The following TMC6 variants were observed in gnomAD, a reference collection of about 807,000 sequenced individuals.
TMC6 encodes the protein transmembrane channel like 6, also known as transmembrane channel-like protein 6.
TMC6 carries 71 observed loss-of-function variants against 95.4 expected under a neutral mutation model. That is an observed-to-expected ratio of 0.74 (90% confidence interval 0.61 to 0.91). The LOEUF (loss-of-function observed/expected upper bound fraction) is 0.91, where lower values mean the gene tolerates loss of function less well. TMC6 is among the 40% of genes least tolerant of loss of function. The pLI, the probability that TMC6 is intolerant of heterozygous loss-of-function variation, is 0.00. For missense variants in TMC6, 1,074 were observed against 1,079.1 expected, an observed-to-expected ratio of 1.00 and a Z score of 0.07; for synonymous variants, 514 against 483.1, an observed-to-expected ratio of 1.06 and a Z score of -0.84.
Position 78,109,490 on chromosome 17 carries a change from C to G in TMC6, c.*3658G>C, listed in dbSNP as rs1226320880. ...CAGCACAAGTGTAGTATGCCTGGGCCCCAGGTCATCATGAAAACCAGAAGC... is the reference window on the plus strand; with the variant it reads ...CAGCACAAGTGTAGTATGCCTGGGCGCCAGGTCATCATGAAAACCAGAAGC... On this transcript the variant is annotated 3_prime_UTR_variant, in exon 20 of 20. Transcript: ENST00000590602. The G allele has an allele frequency of 2.2e-6, 1 of 456,630 alleles. No individual in the cohort carries two copies. Among genetic ancestry groups the G allele is most frequent in the South Asian group, 1.5e-5 (1 of 64,556 alleles). The allele number at this position is 456,630 out of a possible 1,614,324, so 28.3% of individuals were successfully genotyped here. A position where few individuals can be genotyped will look rare whatever the true frequency, so the allele number is the denominator to read the frequency against.
intron 18 of TMC6, among the ~76,000 whole-genome samples, chr17:78,115,276 C>T (rs372222172): frequency 5.3e-4 from 80 of 152,350 alleles, no homozygotes; most frequent in African/African-American, 1.3e-3. Flanking sequence ...GGCTGCACCC[C>T]GCCCTGCCCT....
intron 19 of TMC6, 47 bp downstream of exon 19, chr17:78,113,501 C>T: frequency 6.2e-7 from 1 of 1,606,628 alleles, no homozygotes; most frequent in Non-Finnish European, 8.5e-7. Context: ...CCTGGCCCCT[C>T]TCCCCTCCAG....
Position 78,113,153 on chromosome 17 carries a change from C to G in TMC6, c.2413G>C (p.Ala805Pro), listed in dbSNP as rs1336536762. 4.5e-6 allele frequency: 7 copies of G among 1,554,888 alleles called. No homozygotes were observed. The highest frequency in any genetic ancestry group is 5.2e-6 in the Non-Finnish European group (6 of 1,148,732). The change falls in exon 20 of 20, where the codon GCC becomes CCC. Residue 805 changes from alanine (A) to proline (P), a missense_variant. Transcript: ENST00000590602. Reference protein sequence around the residue: ...PPALLTDEQDA With the variant: ...PPALLTDEQDP ...TGAGGCCCATCGCCGTCCCCCTAGG[C>G]ATCCTGTTCATCTGTGAGCAGGGCA... is the stretch of plus-strand genomic sequence containing the variant.
intron 8 of TMC6, 153 bp downstream of exon 8, chr17:78,124,371 A>G: frequency 7.2e-7 from 1 of 1,379,904 alleles, no homozygotes; most frequent in Non-Finnish European, 9.9e-7. Flanking sequence ...ATCCAGGGTC[A>G]TTGAGGGGGA....
chr17:78,117,838 A>C lies in TMC6; in HGVS notation c.1985T>G (p.Leu662Arg). 1 of 1,608,092 alleles carries C rather than the reference A, an allele frequency of 6.2e-7. No homozygotes were observed. The highest frequency in any genetic ancestry group is 8.5e-7 in the Non-Finnish European group (1 of 1,177,500). The change falls in exon 16 of 20, where the codon CTG becomes CGG. Residue 662 changes from leucine (L) to arginine (R), a missense_variant. Leu to Arg is a moderately radical substitution (Grantham distance 102). Transcript: ENST00000590602. ...GTAGCAGAGGAAGACAGCGGCGCCC[A>C]GGAAGGCGGGGAAGCAGAGCAGCGT... ...FLTLLCFPAF[L>R]GAAVFLCYAV...
chr17:78,123,414 G>A lies in TMC6; in HGVS notation c.1082+575C>T, dbSNP rs561591927. ...GGATGAACGGATGGGTGGATGAATG[G>A]GTGGATAGATAAGGAGGTGGATGGA... On this transcript the variant is annotated intron_variant, in intron 9 of 19. Transcript: ENST00000590602. Among the ~76,000 whole-genome samples the A allele has an allele frequency of 7.6e-4, 116 of 152,084 alleles. 1 individual carries two copies. The highest frequency in any genetic ancestry group is 1.3e-3 in the Non-Finnish European group (90 of 67,946).
At chr17:78,131,733 A>C (rs2074977013), upstream of TMC6, 1 of 1,583,022 alleles carries the variant, frequency 6.3e-7, no homozygotes, top group South Asian at 1.2e-5. Flanking sequence ...CAAGCGCCTC[A>C]TCTGGTGGGT....
In TMC6 at chr17:78,124,606, A is replaced by G; in HGVS notation, c.809T>C (p.Ile270Thr). The G allele has an allele frequency of 2.5e-6, 4 of 1,612,424 alleles. No homozygotes were observed. The highest frequency in any genetic ancestry group is 3.4e-6 in the Non-Finnish European group (4 of 1,179,818). The stretch of plus-strand genomic sequence containing the variant: ...TGGGAAGGCGACCTGAGGGCCCATG[A>G]TGAAGGCCACCAGCAGCAGCAGCAG... ...ALLLLLLVAFIMGPQVAFPPA... is the reference protein window; with the variant it reads ...ALLLLLLVAFTMGPQVAFPPA... Residue 270 changes from isoleucine to threonine, a missense_variant, in exon 8 of 20, where the codon ATC becomes ACC. Transcript: ENST00000590602.
At position 78,108,719 on chromosome 17, in the gene TMC6, T is replaced by C. The variant is rs377689264; in HGVS notation, c.*4429A>G. On this transcript the variant is annotated 3_prime_UTR_variant, in exon 20 of 20. Coordinates refer to ENST00000590602, the MANE Select transcript of TMC6 (RefSeq NM_001127198.5). ...GGGCCTGGGTGTCCAGGGCACCATTTCCACCCATGGGTGAAAAAGAGGCTT... is the reference window on the plus strand; with the variant it reads ...GGGCCTGGGTGTCCAGGGCACCATTCCCACCCATGGGTGAAAAAGAGGCTT... 3.9e-5 allele frequency: 6 copies of C among 154,328 alleles called. No homozygotes were observed. The highest frequency in any genetic ancestry group is 1.4e-4 in the African/African-American group (6 of 41,582). The allele number at this position is 154,328 out of a possible 1,614,324, so 9.6% of individuals were successfully genotyped here. A position where few individuals can be genotyped will look rare whatever the true frequency, so the allele number is the denominator to read the frequency against.
At chr17:78,124,229 C>T (rs543403239) in intron 8 of TMC6, 50 bp from the exon 9 acceptor site, 18 of 1,603,734 alleles carry the variant, frequency 1.1e-5, no homozygotes, top group African/African-American at 1.3e-5. Context: ...ACGCCCCACC[C>T]GACCCTCAGG....
upstream of TMC6, chr17:78,132,134 C>G (rs1333309202): frequency 6.6e-7 from 1 of 1,511,370 alleles, no homozygotes; most frequent in African/African-American, 1.4e-5. Context: ...CACCCGGGTC[C>G]CCCGACCAAT....
In TMC6 at chr17:78,124,639, T is replaced by C. The variant is rs753391575; in HGVS notation, c.776A>G (p.Asn259Ser). 1 of 1,612,134 alleles carries C rather than the reference T, an allele frequency of 6.2e-7. No individual in the cohort carries two copies. Among genetic ancestry groups the C allele is most frequent in the South Asian group, 1.1e-5 (1 of 90,990 alleles). ...FLFLKTLLAF[N>S]ALLLLLLVAF... ...CACCAGCAGCAGCAGCAGGAGGGCA[T>C]TGAAAGCCAGCAGGGTCTTGAGAAA... The change falls in exon 8 of 20, where the codon AAT (asparagine) becomes AGT (serine). Residue 259 changes from asparagine (N) to serine (S), a missense_variant. Physicochemically the swap from Asn to Ser is conservative, Grantham distance 46 (BLOSUM62 1). Transcript: ENST00000590602.
intron 18 of TMC6, among the ~76,000 whole-genome samples, chr17:78,116,276 CTTTTT>C (rs34774395): frequency 8.0e-6 from 1 of 125,456 alleles, no homozygotes. Context: ...CATGCCCAGG[CTTTTT>C]TTTTTTTTTT....
At chr17:78,116,564 C>T (rs973535121) in intron 18 of TMC6, among the ~76,000 whole-genome samples, 2 of 152,110 alleles carry the variant, frequency 1.3e-5, no homozygotes, top group African/African-American at 2.4e-5. Flanking sequence ...TGAGCCCCAC[C>T]ACACCCGGTC....
rs1336275797 is a variant in TMC6 at position 78,125,921 on chromosome 17, G to A, written c.272-37C>T. On this transcript the variant is annotated intron_variant, in intron 4 of 19. Coordinates refer to ENST00000590602, the MANE Select transcript of TMC6 (RefSeq NM_001127198.5). ...GCTGGGCAGGGCCGGGCCGGGCAGGGCCAGGCCTCCCTCCCCTCAGGATGG... is the reference window on the plus strand; with the variant it reads ...GCTGGGCAGGGCCGGGCCGGGCAGGACCAGGCCTCCCTCCCCTCAGGATGG... 8 of 1,549,442 alleles carry A rather than the reference G, an allele frequency of 5.2e-6. No homozygotes were observed. The Admixed American group carries it at 1.4e-4, about 27-fold the overall frequency.
rs1419706337 is a variant in TMC6 at position 78,112,489 on chromosome 17, A to C, written c.*659T>G. 1 of 163,092 alleles carries C rather than the reference A, an allele frequency of 6.1e-6. No homozygotes were observed. Among genetic ancestry groups the C allele is most frequent in the Non-Finnish European group, 1.3e-5 (1 of 74,132 alleles). 10.1% of individuals were successfully genotyped at this position (163,092 alleles called of 1,614,324 possible). ...CAGCCAGAAGCAGGGGGCCAGCCCC[A>C]CCTCACCAAGCCCTGTTCGCCTCCA... On this transcript the variant is annotated 3_prime_UTR_variant, in exon 20 of 20. Transcript: ENST00000590602.
intron 17 of TMC6, 30 bp from the exon 18 acceptor site, chr17:78,117,377 C>T: frequency 6.2e-7 from 1 of 1,612,758 alleles, no homozygotes; most frequent in Non-Finnish European, 8.5e-7. Flanking sequence ...GGGCAGGGCC[C>T]AGGGCCACAG....
At chr17:78,131,793 C>G (rs1284711058), upstream of TMC6, 1 of 1,537,518 alleles carries the variant, frequency 6.5e-7, no homozygotes, top group South Asian at 1.2e-5. Flanking sequence ...GAGGCTGCCC[C>G]GTCGGATGGT....
Position 78,122,706 on chromosome 17 carries a change from A to G in TMC6, c.1126T>C (p.Ser376Pro). ...FGESYRVGST[S>P]GIHAITVFCS... Reference sequence around the variant, plus strand: ...AAGACGGTGATGGCGTGGATGCCAGAGGTGCTGCCCACCCGGTAGCTCTCC... The same window carrying G: ...AAGACGGTGATGGCGTGGATGCCAGGGGTGCTGCCCACCCGGTAGCTCTCC... Residue 376 changes from serine (S) to proline (P), a missense_variant, in exon 10 of 20, where the codon TCT becomes CCT. Ser to Pro is a moderately conservative substitution (Grantham distance 74). Coordinates refer to ENST00000590602, the MANE Select transcript of TMC6 (RefSeq NM_001127198.5). This position sits in a 1 kb window ranked among gnomAD's most constrained non-coding sequence, Gnocchi z 4.9. 6.2e-7 allele frequency: 1 copy of G among 1,611,608 alleles called. No homozygotes were observed. Among genetic ancestry groups the G allele is most frequent in the Non-Finnish European group, 8.5e-7 (1 of 1,179,362 alleles).
Sources: allele counts gnomAD v4.1 joint callset (sites outside exome capture counted in the v4.1 genomes callset), GRCh38; gene constraint gnomAD v4.1.1; non-coding constraint Gnocchi (gnomAD v3.1); transcripts MANE v1.5; gene names NCBI Gene and HGNC (gene_info 2026-07-23, HGNC 2026-07-21).